DDX41: variants seen among roughly 807,000 people sequenced by gnomAD.
DDX41 encodes the protein DEAD-box helicase 41.
DDX41 carries 50 observed loss-of-function variants against 78.8 expected under a neutral mutation model. That is an observed-to-expected ratio of 0.63 (90% CI 0.51 to 0.80). The LOEUF is 0.80. Ranked by LOEUF, DDX41 falls within the 30% of genes least tolerant of loss-of-function variation. The pLI is 0.00. For missense variants in DDX41, 633 were observed against 849.2 expected (o/e 0.75, Z 3.16); for synonymous variants, 381 against 321.5 (o/e 1.19, Z -1.98).
At position 177,514,255 on chromosome 5, in the gene DDX41, G is replaced by C. The variant is rs1761119150; in HGVS notation, c.936-408C>G. ...ATCTGTGAACAGAGGGCCTGGTCCA[G>C]GGCCTCTGGTGGTCTGCAGAGGACT... On this transcript the variant is annotated intron_variant, in intron 9 of 16. Coordinates refer to ENST00000330503, the MANE Select transcript of DDX41 (RefSeq NM_016222.4). The surrounding 1 kb of genome is among the most constrained non-coding windows in gnomAD (Gnocchi z 4.2). 2 of 489,252 alleles carry C rather than the reference G, an allele frequency of 4.1e-6. No individual in the cohort carries two copies. The highest frequency in any genetic ancestry group is 2.3e-5 in the Admixed American group (1 of 43,422). The allele number at this position is 489,252 out of a possible 1,614,324, so 30.3% of individuals were successfully genotyped here. A position where few individuals can be genotyped will look rare whatever the true frequency, so the allele number is the denominator to read the frequency against.
At chr5:177,515,529 G>C (rs1761185421) in intron 6 of DDX41, 156 bp downstream of exon 6, 1 of 995,292 alleles carries the variant, frequency 1.0e-6, no homozygotes, top group Non-Finnish European at 1.5e-6. Context: ...ACGTACAGCT[G>C]AGGCAACAAG....
At position 177,516,708 on chromosome 5, in the gene DDX41, G is replaced by C; in HGVS notation, c.138+17C>G. On this transcript the variant is annotated intron_variant, in intron 2 of 16. Transcript: ENST00000330503. ...CGCGGTCACGGCCCCATCCCTCCCC[G>C]GACGCGTGCCCCTCACCAGTAGCTG... 1 of 1,573,098 alleles carries C rather than the reference G, an allele frequency of 6.4e-7. No individual in the cohort carries two copies. Among genetic ancestry groups the C allele is most frequent in the Admixed American group, 1.8e-5 (1 of 54,678 alleles).
rs1376883360 is a variant in DDX41, at chr5:177,514,394, C to T, written c.935+307G>A. The T allele has an allele frequency of 2.0e-6, 1 of 493,986 alleles. No individual in the cohort carries two copies. Among genetic ancestry groups the T allele is most frequent in the Non-Finnish European group, 3.7e-6 (1 of 269,188 alleles). 30.6% of individuals were successfully genotyped at this position (493,986 alleles called of 1,614,324 possible). A position where few individuals can be genotyped will look rare whatever the true frequency, so the allele number is the denominator to read the frequency against. ...CCTTCCTGGGCCGTCCGCCTCTGTG[C>T]TTTCAGCCTGGACTGCCCCTCTTCC... is the stretch of plus-strand genomic sequence containing the variant. On this transcript the variant is annotated intron_variant, in intron 9 of 16. Transcript: ENST00000330503. This position sits in a 1 kb window ranked among gnomAD's most constrained non-coding sequence, Gnocchi z 4.2.
intron 6 of DDX41, 133 bp from the exon 7 acceptor site, chr5:177,515,391 G>T: frequency 4.0e-6 from 3 of 744,356 alleles, no homozygotes; most frequent in Non-Finnish European, 6.3e-6. Context: ...AGAGAGAGTG[G>T]AAAAAAAAAA....
In DDX41 at chr5:177,513,744, C is replaced by G; in HGVS notation, c.1039G>C (p.Asp347His). ...TCGAAGCCCATGTCGATCATGCGGTCAGCCTCGTCCAGGGCCAGGTAGCGA... is the reference window on the plus strand; with the variant it reads ...TCGAAGCCCATGTCGATCATGCGGTGAGCCTCGTCCAGGGCCAGGTAGCGA... Reference protein sequence around the residue: ...ICRYLALDEADRMIDMGFEGD... With the variant: ...ICRYLALDEAHRMIDMGFEGD... Residue 347 changes from aspartate (D) to histidine (H), a missense_variant, in exon 10 of 17, where the codon GAC becomes CAC. Transcript: ENST00000330503. The surrounding 1 kb of genome is among the most constrained non-coding windows in gnomAD (Gnocchi z 4.6). 6.2e-7 allele frequency: 1 copy of G among 1,613,886 alleles called. No individual in the cohort carries two copies. The highest frequency in any genetic ancestry group is 8.5e-7 in the Non-Finnish European group (1 of 1,180,020).
At chr5:177,516,585 T>G in intron 2 of DDX41, 138 bp from the exon 3 acceptor site, 1 of 1,387,990 alleles carries the variant, frequency 7.2e-7, no homozygotes, top group South Asian at 1.2e-5. Context: ...CGTCGGTCCC[T>G]CGTTTGTCTG....
Position 177,513,467 on chromosome 5 carries a change from C to T in DDX41, c.1116G>A (p.Leu372=). The T allele has an allele frequency of 6.2e-7, 1 of 1,614,170 alleles. No individual in the cohort carries two copies. The highest frequency in any genetic ancestry group is 1.1e-5 in the South Asian group (1 of 91,086). Residue 372 remains leucine (L), a synonymous_variant, in exon 11 of 17, where the codon CTG becomes CTA. Coordinates refer to ENST00000330503, the MANE Select transcript of DDX41 (RefSeq NM_016222.4). This position sits in a 1 kb window ranked among gnomAD's most constrained non-coding sequence, Gnocchi z 4.6. ...FSYFKGQRQT[L]LFSATMPKKI... is the part of the protein sequence containing the mutation. ...TCTTCGGCATGGTGGCACTGAAGAG[C>T]AGGGTCTGTCGCTGGCCCTGAGGAA...
chr5:177,512,015 AC>A, intron 16 of DDX41, 80 bp downstream of exon 16: 1 of 1,606,344 alleles, frequency 6.2e-7, no homozygotes, highest in East Asian at 2.2e-5. Context: ...CCCTCGGTCC[AC>A]CGGTTTCACG....
chr5:177,513,494 A>AGGGG lies in DDX41; in HGVS notation c.1099-14_1099-11dup. ...GGGTCTGTCGCTGGCCCTGAGGAAG[A>AGGGG]GGGGGGCTGCGACCAAGGGCACACA... On this transcript the variant is annotated splice_polypyrimidine_tract_variant and intron_variant, in intron 10 of 16. Coordinates refer to ENST00000330503, the MANE Select transcript of DDX41 (RefSeq NM_016222.4). This position sits in a 1 kb window ranked among gnomAD's most constrained non-coding sequence, Gnocchi z 4.6. The AGGGG allele has an allele frequency of 1.9e-6, 3 of 1,613,966 alleles. No homozygotes were observed. The highest frequency in any genetic ancestry group is 2.5e-6 in the Non-Finnish European group (3 of 1,180,008).
At chr5:177,515,593 T>C (rs1761188884) in intron 6 of DDX41, 92 bp downstream of exon 6, 5 of 1,495,140 alleles carry the variant, frequency 3.3e-6, no homozygotes, top group Admixed American at 1.8e-5. Context: ...CTGGATCCAA[T>C]GCAGATGTGG....
Position 177,513,320 on chromosome 5 carries a change from G to A in DDX41, c.1230+33C>T, listed in dbSNP as rs1038464660. On this transcript the variant is annotated intron_variant, in intron 11 of 16. Transcript: ENST00000330503. This position sits in a 1 kb window ranked among gnomAD's most constrained non-coding sequence, Gnocchi z 4.6. ...GACTTGTCAGATCCAGCCCCCACAG[G>A]TGAGAGACCGCCCATCAGGAGCACC... 6 of 1,613,594 alleles carry A rather than the reference G, an allele frequency of 3.7e-6. No homozygotes were observed. Among genetic ancestry groups the A allele is most frequent in the Non-Finnish European group, 5.1e-6 (6 of 1,179,952 alleles).
chr5:177,514,659 C>A lies in DDX41; in HGVS notation c.935+42G>T. 2 of 1,586,196 alleles carry A rather than the reference C, an allele frequency of 1.3e-6. No homozygotes were observed. The highest frequency in any genetic ancestry group is 1.7e-6 in the Non-Finnish European group (2 of 1,164,352). On this transcript the variant is annotated intron_variant, in intron 9 of 16. Coordinates refer to ENST00000330503, the MANE Select transcript of DDX41 (RefSeq NM_016222.4). This position sits in a 1 kb window ranked among gnomAD's most constrained non-coding sequence, Gnocchi z 4.2. ...GGGTCCTTTAGCTTTTCCACAGACT[C>A]GCAGGTGGCAGAGGTGGGGGGCAGG...
intron 2 of DDX41, 50 bp downstream of exon 2, chr5:177,516,675 T>C: frequency 1.3e-6 from 2 of 1,537,784 alleles, no homozygotes; most frequent in Non-Finnish European, 1.8e-6. Flanking sequence ...GCCCGCCCCC[T>C]GCGACCCCGC....
In DDX41 at chr5:177,513,690, A is replaced by G; in HGVS notation, c.1093T>C (p.Phe365Leu). 6.2e-7 allele frequency: 1 copy of G among 1,613,342 alleles called. No homozygotes were observed. Among genetic ancestry groups the G allele is most frequent in the Non-Finnish European group, 8.5e-7 (1 of 1,179,990 alleles). The change falls in exon 10 of 17, where the codon TTC becomes CTC. Residue 365 changes from phenylalanine (F) to leucine (L), a missense_variant. Physicochemically the swap from Phe to Leu is conservative, Grantham distance 22 (BLOSUM62 0). This residue lies in a region of DDX41 where 185 missense variants were observed against 367.4 expected (regional missense o/e 0.50). Coordinates refer to ENST00000330503, the MANE Select transcript of DDX41 (RefSeq NM_016222.4). The surrounding 1 kb of genome is among the most constrained non-coding windows in gnomAD (Gnocchi z 4.6). ...TGGCCGGGCGGGGGCGGCACCTTGA[A>G]GTAGGAGAAGATGGTACGGATGTCA... ...EGDIRTIFSY[F>L]KGQRQTLLFS...
At chr5:177,516,638 C>T (rs1581810793) in intron 2 of DDX41, 87 bp downstream of exon 2, 2 of 1,441,452 alleles carry the variant, frequency 1.4e-6, no homozygotes, top group Non-Finnish European at 1.9e-6. Context: ...CTCAGACTGC[C>T]CTCCTCCCCA....
Position 177,513,422 on chromosome 5 carries a change from C to A in DDX41, c.1161G>T (p.Lys387Asn). The A allele has an allele frequency of 6.2e-7, 1 of 1,614,192 alleles. No individual in the cohort carries two copies. Among genetic ancestry groups the A allele is most frequent in the Non-Finnish European group, 8.5e-7 (1 of 1,180,040 alleles). The change falls in exon 11 of 17, where the codon AAG becomes AAT. Residue 387 changes from lysine to asparagine, a missense_variant. Transcript: ENST00000330503. This position sits in a 1 kb window ranked among gnomAD's most constrained non-coding sequence, Gnocchi z 4.6. ...TMPKKIQNFAKSALVKPVTIN... is the reference protein window; with the variant it reads ...TMPKKIQNFANSALVKPVTIN... ...TGGTCACAGGCTTTACAAGGGCACT[C>A]TTAGCAAAGTTCTGAATCTTCTTCG... is the stretch of plus-strand genomic sequence containing the variant.
In DDX41 at chr5:177,516,872, C is replaced by T. The variant is rs1042824379; in HGVS notation, c.28-37G>A. The T allele has an allele frequency of 9.9e-6, 16 of 1,613,186 alleles. No individual in the cohort carries two copies. The Admixed American group carries it at 1.0e-4, about 10-fold the overall frequency. On this transcript the variant is annotated intron_variant, in intron 1 of 16. Transcript: ENST00000330503. ...CGCCAGTCAGGCACGGCCTGCTCCC[C>T]TCTTCACGCCCGCTCCCACACGCGC...
rs1161708828 is a variant in DDX41, at chr5:177,516,835, G to C, written c.28C>G (p.Arg10Gly). 6.2e-7 allele frequency: 1 copy of C among 1,612,716 alleles called. No homozygotes were observed. The highest frequency in any genetic ancestry group is 8.5e-7 in the Non-Finnish European group (1 of 1,179,918). ...GCAGGCACCTCGTCGGTGCGAGCCC[G>C]CTGCAAGCACACGCCAGTCAGGCAC... MEESEPERK[R>G]ARTDEVPAGG... The change falls in exon 2 of 17, where the codon CGG (arginine) becomes GGG (glycine). Residue 10 changes from arginine to glycine, a missense_variant and splice_region_variant. Arg to Gly is a moderately radical substitution (Grantham distance 125, BLOSUM62 -2). Around this residue, in one of 6 missense-constraint regions of DDX41, gnomAD observed 140 missense variants for 115.2 expected, o/e 1.22. Transcript: ENST00000330503.
At chr5:177,515,640 C>G (rs376564166) in intron 6 of DDX41, 45 bp downstream of exon 6, 5 of 1,606,750 alleles carry the variant, frequency 3.1e-6, no homozygotes, top group South Asian at 1.1e-5. Context: ...ACCTCACAGG[C>G]ATTTGATTAT....
Sources: gnomAD v4.1 joint callset for allele counts on GRCh38, gnomAD v4.1.1 for gene constraint, gnomAD v4.1.1 regional missense constraint, Gnocchi (gnomAD v3.1) non-coding constraint, MANE v1.5 for transcripts, NCBI Gene and HGNC (gene_info 2026-07-23, HGNC 2026-07-21) for gene names.